The following SLC6A20 variants were observed in gnomAD, a reference collection of about 807,000 sequenced individuals.
SLC6A20 encodes sodium- and chloride-dependent transporter XTRP3.
In SLC6A20, 73 loss-of-function variants were observed where a neutral mutation model predicts 64.3. The ratio of observed to expected loss-of-function variants is 1.14; its 90% CI spans 0.94 to 1.38. The LOEUF is 1.38. SLC6A20 is among the 40% of genes most tolerant of loss of function. SLC6A20 has a pLI of 0.00. For synonymous variants in SLC6A20, 347 were observed against 329.6 expected (o/e 1.05, Z -0.57); for missense variants, 725 against 772.8 (o/e 0.94, Z 0.73).
At chr3:45,773,145 T>A (rs1432095941) in intron 4 of SLC6A20, among the ~76,000 whole-genome samples, 1 of 151,880 alleles carries the variant, frequency 6.6e-6, no homozygotes, top group African/African-American at 2.4e-5. Context: ...GAAAAAAAAA[T>A]CTGCAGCTTG....
At chr3:45,759,509 G>A (rs549664997) in intron 10 of SLC6A20, among the ~76,000 whole-genome samples, 2 of 152,358 alleles carry the variant, frequency 1.3e-5, no homozygotes, top group South Asian at 2.1e-4. Flanking sequence ...AGGTAGCAAC[G>A]TTCTCTGTCA....
Position 45,765,636 on chromosome 3 carries a change from G to A in SLC6A20, c.1204C>T (p.Leu402=). 6.2e-7 allele frequency: 1 copy of A among 1,614,184 alleles called. No homozygotes were observed. Among genetic ancestry groups the A allele is most frequent in the African/African-American group, 1.3e-5 (1 of 75,032 alleles). The change falls in exon 8 of 11, where the codon CTG becomes TTG. Residue 402 remains leucine, a synonymous_variant. Transcript: ENST00000358525. This position sits in a 1 kb window ranked among gnomAD's most constrained non-coding sequence, Gnocchi z 4.2. The stretch of plus-strand genomic sequence containing the variant: ...TTCCCCAGCATGCTCCCAATGCCCA[G>A]CATCAGCAGCATGAAGAAGTAGAGC... ...SVLYFFMLLM[L]GIGSMLGNTA...
chr3:45,766,071 G>A (rs1168882862), intron 7 of SLC6A20, among the ~76,000 whole-genome samples: 1 of 152,228 alleles, frequency 6.6e-6, no homozygotes, highest in Non-Finnish European at 1.5e-5. Context: ...GACCGACTAG[G>A]TGTCCTGAAA....
chr3:45,794,215 G>T (rs1294384274), intron 1 of SLC6A20, among the ~76,000 whole-genome samples: 6 of 152,318 alleles, frequency 3.9e-5, no homozygotes, highest in African/African-American at 1.4e-4. Flanking sequence ...TGTGTGAAGG[G>T]TTGAGGCACA....
chr3:45,760,525 G>T lies in SLC6A20; in HGVS notation c.1464-503C>A, dbSNP rs1236895033. On this transcript the variant is annotated intron_variant, in intron 9 of 10. Transcript: ENST00000358525. ...ACCAGAGCAGGTTTTCTGGGACAGAGGAAGAGCCAACCTCGGACTGAAGGA... is the reference window on the plus strand; with the variant it reads ...ACCAGAGCAGGTTTTCTGGGACAGATGAAGAGCCAACCTCGGACTGAAGGA... 3.9e-5 allele frequency among the ~76,000 whole-genome samples: 6 copies of T among 152,078 alleles called. No homozygotes were observed. The South Asian group carries it at 6.2e-4, about 16-fold the overall frequency.
In SLC6A20 at chr3:45,780,372, A is replaced by C. The variant is rs370934326; in HGVS notation, c.263-272T>G. Among the ~76,000 whole-genome samples, 4 of 152,328 alleles carry C rather than the reference A, an allele frequency of 2.6e-5. No homozygotes were observed. In the South Asian group the frequency reaches 8.3e-4, roughly 32 times the overall value. On this transcript the variant is annotated intron_variant, in intron 2 of 10. Transcript: ENST00000358525. ...GATCTAACTGCCAGGCACTGTGCTA[A>C]ATAAGTACTTTATTTACCTTTGGTC...
intron 8 of SLC6A20, among the ~76,000 whole-genome samples, 182 bp from the exon 9 acceptor site, chr3:45,763,254 AG>A (rs1407410540): frequency 2.0e-5 from 3 of 152,196 alleles, no homozygotes; most frequent in Non-Finnish European, 4.4e-5. Context: ...TGTGTGGGGC[AG>A]GGGGCACAAT....
Position 45,759,874 on chromosome 3 carries a change from CTTGA to C in SLC6A20, c.1608_1611del (p.Tyr536Ter). 6.2e-7 allele frequency: 1 copy of C among 1,613,798 alleles called. No homozygotes were observed. The highest frequency in any genetic ancestry group is 1.1e-5 in the South Asian group (1 of 91,048). ...GTAGATACCTGGGAGGCGTCCCAGG[CTTGA>C]TACTTCAGGGTCCCCGTGAGGATGT... On this transcript the variant is annotated frameshift_variant, in exon 10 of 11. Coordinates refer to ENST00000358525, the MANE Select transcript of SLC6A20 (RefSeq NM_020208.4). LOFTEE classifies it low-confidence loss of function (END_TRUNC).
At chr3:45,790,355 C>T (rs1700228834) in intron 1 of SLC6A20, 1 of 151,996 alleles carries the variant, frequency 6.6e-6, no homozygotes, top group African/African-American at 2.4e-5. Context: ...GTAAGGAACA[C>T]CGAGCACACC....
chr3:45,763,997 T>C (rs910422110), intron 8 of SLC6A20, among the ~76,000 whole-genome samples: 2 of 152,094 alleles, frequency 1.3e-5, no homozygotes, highest in African/African-American at 4.8e-5. Context: ...TGCAGCACTC[T>C]GAAGAGGTGG....
Position 45,765,451 on chromosome 3 carries a change from A to G in SLC6A20, c.1303+86T>C. The G allele has an allele frequency of 6.8e-7, 1 of 1,467,792 alleles. No homozygotes were observed. The highest frequency in any genetic ancestry group is 2.5e-5 in the East Asian group (1 of 40,492). The allele number at this position is 1,467,792 out of a possible 1,614,324, so 90.9% of individuals were successfully genotyped here. ...CCCCTGTAGCCACCTGAACCAGCCC[A>G]TGACCCCTGAGGGAGCTCTCCCCTG... On this transcript the variant is annotated intron_variant, in intron 8 of 10. Coordinates refer to ENST00000358525, the MANE Select transcript of SLC6A20 (RefSeq NM_020208.4). The surrounding 1 kb of genome is among the most constrained non-coding windows in gnomAD (Gnocchi z 4.2).
rs572116731 is a variant in SLC6A20 at position 45,755,841 on chromosome 3, T to A, written c.*3137A>T. The A allele has an allele frequency of 2.0e-5, 3 of 152,750 alleles. No homozygotes were observed. Among genetic ancestry groups the A allele is most frequent in the East Asian group, 3.9e-4 (2 of 5,194 alleles). The allele number at this position is 152,750 out of a possible 1,614,324, so 9.5% of individuals were successfully genotyped here. A position where few individuals can be genotyped will look rare whatever the true frequency, so the allele number is the denominator to read the frequency against. On this transcript the variant is annotated 3_prime_UTR_variant, in exon 11 of 11. Transcript: ENST00000358525. ...GCACATTATTCTGTAACAGTGGTGC[T>A]TCATCTGTTTGAGTTCCATGAGCAA... is the stretch of plus-strand genomic sequence containing the variant.
At position 45,765,324 on chromosome 3, in the gene SLC6A20, A is replaced by ACTTCC. The variant is rs1423581314; in HGVS notation, c.1303+208_1303+212dup. Among the ~76,000 whole-genome samples, 2 of 152,294 alleles carry ACTTCC rather than the reference A, an allele frequency of 1.3e-5. No individual in the cohort carries two copies. Among genetic ancestry groups the ACTTCC allele is most frequent in the East Asian group, 3.9e-4 (2 of 5,186 alleles). Reference sequence around the variant, plus strand: ...GGAGTTGGGTTGGGGTGGCCACTTCACTTCCCTGTGATGTGGAGAATGGAA... The same window carrying ACTTCC: ...GGAGTTGGGTTGGGGTGGCCACTTCACTTCCCTTCCCTGTGATGTGGAGAATGGAA... On this transcript the variant is annotated intron_variant, in intron 8 of 10. Coordinates refer to ENST00000358525, the MANE Select transcript of SLC6A20 (RefSeq NM_020208.4). The surrounding 1 kb of genome is among the most constrained non-coding windows in gnomAD (Gnocchi z 4.2).
chr3:45,793,594 T>A (rs891243438), intron 1 of SLC6A20, among the ~76,000 whole-genome samples: 1 of 152,014 alleles, frequency 6.6e-6, no homozygotes, highest in Non-Finnish European at 1.5e-5. Context: ...GGGCCTGGCC[T>A]GGGGAGCAGG....
rs547874218 is a variant in SLC6A20, at chr3:45,780,084, C to A, written c.279G>T (p.Val93=). Reference sequence around the variant, plus strand: ...AGTACATGGAGAGGAAGAAAGAGACCACCACGCTGGCGACCCCTGCGAGGA... The same window carrying A: ...AGTACATGGAGAGGAAGAAAGAGACAACCACGCTGGCGACCCCTGCGAGGA... The part of the protein sequence containing the change: ...YLSGVGVASV[V]VSFFLSMYYN... The change falls in exon 3 of 11, where the codon GTG becomes GTT. Residue 93 remains valine (V), a synonymous_variant. Transcript: ENST00000358525. The A allele has an allele frequency of 1.3e-6, 2 of 1,596,590 alleles. No homozygotes were observed. Among genetic ancestry groups the A allele is most frequent in the East Asian group, 2.3e-5 (1 of 44,206 alleles).
chr3:45,795,761 G>T (rs1408353249), intron 1 of SLC6A20, among the ~76,000 whole-genome samples: 1 of 152,158 alleles, frequency 6.6e-6, no homozygotes, highest in East Asian at 1.9e-4. Flanking sequence ...AAAACAGAAT[G>T]ATTTGCATTT....
Position 45,759,086 on chromosome 3 carries a change from A to G in SLC6A20, c.1671T>C (p.Ala557=). The G allele has an allele frequency of 6.2e-7, 1 of 1,612,854 alleles. No homozygotes were observed. The highest frequency in any genetic ancestry group is 8.5e-7 in the Non-Finnish European group (1 of 1,179,690). Reference sequence around the variant, plus strand: ...AGGAGGCCACAAGCAGCCCGATGACAGCCAGTGCATAGGCCGGGTAATCTT... The same window carrying G: ...AGGAGGCCACAAGCAGCCCGATGACGGCCAGTGCATAGGCCGGGTAATCTT... ...VTKDYPAYAL[A]VIGLLVASST... The change falls in exon 11 of 11, where the codon GCT becomes GCC. Residue 557 remains alanine, a synonymous_variant. Transcript: ENST00000358525.
At chr3:45,760,192 G>A (rs557858155) in intron 9 of SLC6A20, among the ~76,000 whole-genome samples, 170 bp from the exon 10 acceptor site, 4 of 152,304 alleles carry the variant, frequency 2.6e-5, no homozygotes, top group Admixed American at 6.5e-5. Flanking sequence ...CGAGTGCTGC[G>A]GTGGGGAGGG....
At position 45,771,108 on chromosome 3, in the gene SLC6A20, T is replaced by C. The variant is rs1205214138; in HGVS notation, c.935+109A>G. 8.0e-6 allele frequency: 12 copies of C among 1,495,450 alleles called. No individual in the cohort carries two copies. In the East Asian group the frequency reaches 2.1e-4, roughly 26 times the overall value. 92.6% of individuals were successfully genotyped at this position (1,495,450 alleles called of 1,614,324 possible). A position where few individuals can be genotyped will look rare whatever the true frequency, so the allele number is the denominator to read the frequency against. ...GTGTAGGGAGTCCAAATGTGAGCCC[T>C]GGATTGAGGACTCCAAAACTGGTGC... is the stretch of plus-strand genomic sequence containing the variant. On this transcript the variant is annotated intron_variant, in intron 6 of 10. Coordinates refer to ENST00000358525, the MANE Select transcript of SLC6A20 (RefSeq NM_020208.4).
Sources: allele counts gnomAD v4.1 joint callset (sites outside exome capture counted in the v4.1 genomes callset), GRCh38; gene constraint gnomAD v4.1.1; non-coding constraint Gnocchi (gnomAD v3.1); transcripts MANE v1.5; gene names NCBI Gene and HGNC (gene_info 2026-07-23, HGNC 2026-07-21).